PDE8A: variants seen among roughly 807,000 people sequenced by gnomAD.
The protein encoded by PDE8A is high affinity cAMP-specific and IBMX-insensitive 3',5'-cyclic phosphodiesterase 8A.
In PDE8A, 59 loss-of-function variants were observed where a neutral mutation model predicts 105.0. The ratio of observed to expected loss-of-function variants is 0.56; its 90% CI spans 0.46 to 0.70. PDE8A has a LOEUF of 0.70. Ranked by LOEUF, PDE8A falls within the 30% of genes least tolerant of loss-of-function variation. The probability of loss-of-function intolerance (pLI) is 0.00; values close to 1 mark genes in which losing one functional copy is unlikely to be tolerated. For synonymous variants in PDE8A, 355 were observed against 371.9 expected, an observed-to-expected ratio of 0.95 and a Z score of 0.52; for missense variants, 1,014 against 1,045.9, an observed-to-expected ratio of 0.97 and a Z score of 0.42.
intron 6 of PDE8A, among the ~76,000 whole-genome samples, chr15:85,086,004 C>T (rs927014926): frequency 6.7e-5 from 10 of 148,594 alleles, no homozygotes; most frequent in Non-Finnish European, 1.2e-4. Context: ...AAGAGCAAAA[C>T]TCCATCTCAA....
chr15:85,137,828 T>G lies in PDE8A; in HGVS notation c.2415T>G (p.His805Gln). 1 of 1,613,388 alleles carries G rather than the reference T, an allele frequency of 6.2e-7. No individual in the cohort carries two copies. The highest frequency in any genetic ancestry group is 8.5e-7 in the Non-Finnish European group (1 of 1,179,300). The change falls in exon 22 of 22, where the codon CAT (histidine) becomes CAG (glutamine). Residue 805 changes from histidine to glutamine, a missense_variant. By Grantham distance (24) the His-to-Gln change is conservative (BLOSUM62 0). Transcript: ENST00000394553. ...TAGACCTGCCTGATTTAATGCAGCA[T>G]CTTGACAACAACTTTAAATACTGGA... is the stretch of plus-strand genomic sequence containing the variant. ...AFVDLPDLMQHLDNNFKYWKG... is the reference protein window; with the variant it reads ...AFVDLPDLMQQLDNNFKYWKG...
intron 11 of PDE8A, among the ~76,000 whole-genome samples, chr15:85,101,194 G>C (rs1251119788): frequency 6.6e-6 from 1 of 152,200 alleles, no homozygotes; most frequent in Non-Finnish European, 1.5e-5. Context: ...GAATCCAGGA[G>C]GACTGACACT....
chr15:85,121,209 A>C (rs951516358), intron 18 of PDE8A, among the ~76,000 whole-genome samples, 195 bp downstream of exon 18: 4 of 152,032 alleles, frequency 2.6e-5, no homozygotes, highest in Non-Finnish European at 5.9e-5. Flanking sequence ...TGAGCCCAGG[A>C]GTTTGAGACC....
chr15:85,045,270 T>C (rs1351226630), intron 1 of PDE8A, among the ~76,000 whole-genome samples: 2 of 152,244 alleles, frequency 1.3e-5, no homozygotes, highest in African/African-American at 4.8e-5. Flanking sequence ...AGGAGACCAT[T>C]TGGCACATAG....
At chr15:85,108,014 G>A (rs562881096) in intron 11 of PDE8A, among the ~76,000 whole-genome samples, 29 of 152,300 alleles carry the variant, frequency 1.9e-4, no homozygotes, top group African/African-American at 7.0e-4. Context: ...GCAAACAGAA[G>A]TGTCCAGAAA....
chr15:85,015,888 G>C (rs993201684), intron 1 of PDE8A, among the ~76,000 whole-genome samples: 3 of 152,118 alleles, frequency 2.0e-5, no homozygotes, highest in African/African-American at 7.2e-5. Context: ...TGTAATCCCA[G>C]CACTTTGGGA....
At chr15:85,123,743 T>C (rs1011338729) in intron 19 of PDE8A, among the ~76,000 whole-genome samples, 4 of 152,226 alleles carry the variant, frequency 2.6e-5, no homozygotes, top group African/African-American at 9.6e-5. Context: ...TCCAATCAAG[T>C]TGACACTCAG....
chr15:84,988,621 T>A (rs1026615553), intron 1 of PDE8A, among the ~76,000 whole-genome samples: 1 of 152,212 alleles, frequency 6.6e-6, no homozygotes, highest in African/African-American at 2.4e-5. Context: ...GCTGGTTCTT[T>A]CCATTGCCCT....
chr15:85,099,224 C>G (rs1197771021), intron 9 of PDE8A, among the ~76,000 whole-genome samples: 1 of 152,212 alleles, frequency 6.6e-6, no homozygotes, highest in Non-Finnish European at 1.5e-5. Context: ...GTGATCGTCT[C>G]CACTTTACAG....
intron 16 of PDE8A, 36 bp downstream of exon 16, chr15:85,116,155 G>T: frequency 6.2e-7 from 1 of 1,609,634 alleles, no homozygotes; most frequent in South Asian, 1.1e-5. Context: ...GGGAGAACTA[G>T]ATTCCCAGGG....
chr15:85,074,764 T>C (rs1396954857), intron 3 of PDE8A, among the ~76,000 whole-genome samples: 1 of 152,216 alleles, frequency 6.6e-6, no homozygotes, highest in Non-Finnish European at 1.5e-5. Flanking sequence ...ACTTGAGAAC[T>C]AGTCACTCAA....
chr15:85,077,740 A>T (rs537264801), intron 5 of PDE8A, among the ~76,000 whole-genome samples: 112 of 152,336 alleles, frequency 7.4e-4, no homozygotes, highest in African/African-American at 2.5e-3. Flanking sequence ...AAGTATGCTT[A>T]CTATAGGTAA....
At chr15:85,001,308 T>C (rs1003274378) in intron 1 of PDE8A, among the ~76,000 whole-genome samples, 1 of 152,196 alleles carries the variant, frequency 6.6e-6, no homozygotes, top group African/African-American at 2.4e-5. Context: ...TAGGTAACTG[T>C]TAAAAGATTT....
intron 1 of PDE8A, among the ~76,000 whole-genome samples, chr15:85,028,605 A>ACAAAAGTTT (rs2080558296): frequency 1.3e-5 from 2 of 152,148 alleles, no homozygotes; most frequent in African/African-American, 4.8e-5. Flanking sequence ...AGTGTTATCT[A>ACAAAAGTTT]TTCCTTGTAT....
chr15:85,109,268 C>T (rs1471827092), intron 12 of PDE8A, 138 bp downstream of exon 12: 2 of 526,680 alleles, frequency 3.8e-6, no homozygotes, highest in Admixed American at 3.4e-5. Context: ...ACTAGTGTTC[C>T]CTTTCTCCCT....
At chr15:85,095,781 T>C (rs1415777463) in intron 8 of PDE8A, among the ~76,000 whole-genome samples, 3 of 151,986 alleles carry the variant, frequency 2.0e-5, no homozygotes, top group African/African-American at 7.2e-5. Context: ...TGTGGAACTT[T>C]GCCTGGAATG....
chr15:85,114,641 T>C (rs1034499942), intron 14 of PDE8A, among the ~76,000 whole-genome samples: 6 of 152,190 alleles, frequency 3.9e-5, no homozygotes, highest in East Asian at 1.9e-4. Context: ...CTGTCAGCTT[T>C]TGTCTTGGTC....
At chr15:85,076,617 G>T in intron 4 of PDE8A, 116 bp from the exon 5 acceptor site, 1 of 697,608 alleles carries the variant, frequency 1.4e-6, no homozygotes, top group South Asian at 1.7e-5. Context: ...ATATTAATCT[G>T]ATTCATCTAA....
intron 1 of PDE8A, among the ~76,000 whole-genome samples, chr15:84,987,855 G>T (rs2079828694): frequency 6.6e-6 from 1 of 151,996 alleles, no homozygotes; most frequent in Admixed American, 6.6e-5. Context: ...TAACCTTAAA[G>T]GACAGAATAT....
Sources: gnomAD v4.1 joint callset for allele counts (sites outside exome capture counted in the v4.1 genomes callset) on GRCh38, gnomAD v4.1.1 for gene constraint, MANE v1.5 for transcripts, NCBI Gene and HGNC (gene_info 2026-07-23, HGNC 2026-07-21) for gene names.